EPM2A: variants seen among roughly 807,000 people sequenced by gnomAD.
EPM2A encodes the protein EPM2A glucan phosphatase, laforin.
Under a neutral mutation model 26.5 loss-of-function variants are expected in EPM2A, and 21 were observed. The observed-to-expected ratio is 0.79, with a 90% confidence interval of 0.56 to 1.14. EPM2A has a LOEUF of 1.14. EPM2A is among the 50% of genes most tolerant of loss of function. EPM2A has a pLI of 0.00. For synonymous variants in EPM2A, 217 were observed against 177.6 expected, an observed-to-expected ratio of 1.22 and a Z score of -1.76; for missense variants, 458 against 440.8, an observed-to-expected ratio of 1.04 and a Z score of -0.35.
rs1363948164 is a variant in EPM2A, at chr6:145,626,013, C to G, written c.*1403G>C. 1 of 1,125,570 alleles carries G rather than the reference C, an allele frequency of 8.9e-7. No homozygotes were observed. The highest frequency in any genetic ancestry group is 1.2e-6 in the Non-Finnish European group (1 of 868,574). 69.7% of individuals were successfully genotyped at this position (1,125,570 alleles called of 1,614,324 possible). The stretch of plus-strand genomic sequence containing the variant: ...AGACAGTTGAGTTAACCCTTCTGAC[C>G]TTAGTTTCCCCATCTTTATCATGGA... On this transcript the variant is annotated 3_prime_UTR_variant, in exon 4 of 4. Coordinates refer to ENST00000367519, the MANE Select transcript of EPM2A (RefSeq NM_005670.4).
chr6:145,712,382 T>G (rs1388509617), intron 1 of EPM2A, among the ~76,000 whole-genome samples: 1 of 152,152 alleles, frequency 6.6e-6, no homozygotes, highest in Non-Finnish European at 1.5e-5. Flanking sequence ...CCAGATCAGC[T>G]GCAGACAACA....
chr6:145,426,349 T>C (rs1778854449), intron 4 of EPM2A, among the ~76,000 whole-genome samples: 1 of 152,176 alleles, frequency 6.6e-6, no homozygotes, highest in Non-Finnish European at 1.5e-5. Context: ...AAAAACTTTC[T>C]CCTTTGGCAG....
chr6:145,649,186 A>AG (rs1187638302), intron 2 of EPM2A, among the ~76,000 whole-genome samples: 1 of 152,166 alleles, frequency 6.6e-6, no homozygotes, highest in Non-Finnish European at 1.5e-5. Context: ...TGTGACATGG[A>AG]GGTAGGAAGG....
chr6:145,473,424 C>T (rs1779501694), intron 4 of EPM2A, among the ~76,000 whole-genome samples: 1 of 151,786 alleles, frequency 6.6e-6, no homozygotes, highest in East Asian at 1.9e-4. Flanking sequence ...AAAATAGCCT[C>T]AGAAGGCCAA....
At chr6:145,473,511 A>T (rs371932393) in intron 4 of EPM2A, among the ~76,000 whole-genome samples, 1 of 152,156 alleles carries the variant, frequency 6.6e-6, no homozygotes, top group East Asian at 1.9e-4. Flanking sequence ...AGGGATAATA[A>T]CAGAGAACTT....
intron 3 of EPM2A, among the ~76,000 whole-genome samples, chr6:145,633,312 C>A (rs907650202): frequency 1.3e-5 from 2 of 152,198 alleles, no homozygotes; most frequent in Non-Finnish European, 2.9e-5. Context: ...TACAGTCCTT[C>A]AAATCCTAAC....
At position 145,434,253 on chromosome 6, in the gene EPM2A, T is replaced by A. The variant is rs1001267539; in HGVS notation, c.556-50156A>T. ...TCTCTTTGTTTTCTTCTCTTTTTTTTATCTCTCTCTCTCTTTTTTTTTTTT... is the reference window on the plus strand; with the variant it reads ...TCTCTTTGTTTTCTTCTCTTTTTTTAATCTCTCTCTCTCTTTTTTTTTTTT... On this transcript the variant is annotated intron_variant, in intron 4 of 4. Transcript: ENST00000638717. Among the ~76,000 whole-genome samples the A allele has an allele frequency of 5.9e-5, 9 of 151,656 alleles. No homozygotes were observed. The East Asian group carries it at 7.7e-4, about 13-fold the overall frequency.
At chr6:145,532,245 T>G (rs1157254539) in intron 2 of EPM2A, among the ~76,000 whole-genome samples, 1 of 152,104 alleles carries the variant, frequency 6.6e-6, no homozygotes, top group Non-Finnish European at 1.5e-5. Flanking sequence ...ATGTGGGAGT[T>G]TAGTCAGGCT....
At chr6:145,702,766 T>C (rs945460769) in intron 1 of EPM2A, among the ~76,000 whole-genome samples, 1 of 152,208 alleles carries the variant, frequency 6.6e-6, no homozygotes, top group Non-Finnish European at 1.5e-5. Context: ...TAACTCCACT[T>C]GGGCTTATGT....
At chr6:145,506,371 A>G (rs764149738) in intron 2 of EPM2A, among the ~76,000 whole-genome samples, 5 of 152,162 alleles carry the variant, frequency 3.3e-5, no homozygotes, top group Non-Finnish European at 5.9e-5. Context: ...TTTTGCTCAA[A>G]GAAATAATCC....
chr6:145,688,473 G>A (rs956949104), intron 1 of EPM2A, among the ~76,000 whole-genome samples: 6 of 152,166 alleles, frequency 3.9e-5, no homozygotes, highest in Admixed American at 2.0e-4. Context: ...ATCTGAAAGA[G>A]GCTGTAAGGA....
chr6:145,521,134 CT>C (rs1780196713), intron 2 of EPM2A, among the ~76,000 whole-genome samples: 1 of 152,080 alleles, frequency 6.6e-6, no homozygotes, highest in Middle Eastern at 3.4e-3. Flanking sequence ...AGTGTGGAGA[CT>C]TTACTCATAA....
chr6:145,505,137 C>A (rs1779952558), intron 2 of EPM2A, among the ~76,000 whole-genome samples: 1 of 143,404 alleles, frequency 7.0e-6, no homozygotes, highest in African/African-American at 2.6e-5. Context: ...GGAGATATAC[C>A]TAATGCTAGA....
chr6:145,388,792 C>T (rs1373424364), intron 4 of EPM2A, among the ~76,000 whole-genome samples: 3 of 152,112 alleles, frequency 2.0e-5, no homozygotes, highest in African/African-American at 7.2e-5. Flanking sequence ...CGTTAGTTTG[C>T]TGAGAATGAT....
In EPM2A at chr6:145,678,530, A is replaced by G. The variant is rs1056109317; in HGVS notation, c.476+7592T>C. Reference sequence around the variant, plus strand: ...CAAAGGTGTAATATCCAGAATCTACAAAGAACTTAAACAAATATACAAGAA... The same window carrying G: ...CAAAGGTGTAATATCCAGAATCTACGAAGAACTTAAACAAATATACAAGAA... On this transcript the variant is annotated intron_variant, in intron 2 of 3. Transcript: ENST00000367519. Among the ~76,000 whole-genome samples the G allele has an allele frequency of 2.4e-4, 37 of 152,218 alleles. 1 individual carries two copies. Among genetic ancestry groups the G allele is most frequent in the African/African-American group, 8.9e-4 (37 of 41,436 alleles).
rs1554255828 is a variant in EPM2A, at chr6:145,626,723, A to G, written c.*693T>C. 3 of 986,078 alleles carry G rather than the reference A, an allele frequency of 3.0e-6. No individual in the cohort carries two copies. The highest frequency in any genetic ancestry group is 1.7e-5 in the African/African-American group (1 of 57,226). The allele number at this position is 986,078 out of a possible 1,614,324, so 61.1% of individuals were successfully genotyped here. On this transcript the variant is annotated 3_prime_UTR_variant, in exon 4 of 4. Transcript: ENST00000367519. ...TTAAGCCTCAATTTAACTTCTTGAC[A>G]TCTCAACTATAAAAAACAAGGGTAT...
chr6:145,637,609 AAG>A (rs1198270553), intron 2 of EPM2A: 3 of 152,334 alleles, frequency 2.0e-5, no homozygotes, highest in East Asian at 1.9e-4. Context: ...TGGTGATGGA[AAG>A]AGAGGCATGA....
At chr6:145,650,193 G>A (rs912918387) in intron 2 of EPM2A, among the ~76,000 whole-genome samples, 2 of 152,146 alleles carry the variant, frequency 1.3e-5, no homozygotes, top group African/African-American at 4.8e-5. Flanking sequence ...GGTTAAAGAT[G>A]CTTTTGTATG....
chr6:145,486,619 AC>A (rs1204048400), intron 4 of EPM2A, among the ~76,000 whole-genome samples: 1 of 151,874 alleles, frequency 6.6e-6, no homozygotes, highest in Non-Finnish European at 1.5e-5. Flanking sequence ...AAACCCGCTA[AC>A]CACGGTTTTA....
Sources: gnomAD v4.1 joint callset for allele counts (sites outside exome capture counted in the v4.1 genomes callset) on GRCh38, gnomAD v4.1.1 for gene constraint, MANE v1.5 for transcripts, NCBI Gene and HGNC (gene_info 2026-07-23, HGNC 2026-07-21) for gene names.